The following HECTD2 variants were observed in gnomAD, a reference collection of about 807,000 sequenced individuals.
HECTD2 encodes probable E3 ubiquitin-protein ligase HECTD2.
A neutral mutation model predicts 103.2 loss-of-function variants in HECTD2; 35 were observed. The ratio of observed to expected loss-of-function variants is 0.34; its 90% CI spans 0.26 to 0.45. The LOEUF (loss-of-function observed/expected upper bound fraction) is 0.45. Among genes scored for constraint, HECTD2 ranks in the 20% least tolerant of loss-of-function variants. HECTD2 has a pLI of 1.00. For synonymous variants in HECTD2, 281 were observed against 329.9 expected (o/e 0.85, Z 1.61); for missense variants, 596 against 937.4 (o/e 0.64, Z 4.76).
intron 14 of HECTD2, among the ~76,000 whole-genome samples, chr10:91,493,717 A>G (rs1442081378): frequency 6.6e-6 from 1 of 151,994 alleles, no homozygotes; most frequent in Non-Finnish European, 1.5e-5. Flanking sequence ...TTTTTTTCTG[A>G]AAACCTTATC....
intron 2 of HECTD2, among the ~76,000 whole-genome samples, chr10:91,451,262 A>G (rs2133155770): frequency 1.3e-5 from 2 of 152,284 alleles, no homozygotes; most frequent in Admixed American, 1.3e-4. Context: ...TCAGCAAACT[A>G]TCACAGGAAC....
intron 2 of HECTD2, among the ~76,000 whole-genome samples, chr10:91,427,057 G>A (rs927050617): frequency 1.5e-5 from 2 of 131,576 alleles, no homozygotes. Context: ...GTGTCCATGT[G>A]TTCTCATTGT....
At chr10:91,424,450 G>A (rs1468488834) in intron 1 of HECTD2, among the ~76,000 whole-genome samples, 2 of 134,440 alleles carry the variant, frequency 1.5e-5, no homozygotes, top group Non-Finnish European at 3.0e-5. Context: ...AAAAGTGGAT[G>A]TTAAAAGAAG....
At chr10:91,488,611 T>C (rs919859558) in intron 11 of HECTD2, 4 of 152,174 alleles carry the variant, frequency 2.6e-5, no homozygotes, top group Non-Finnish European at 5.9e-5. Context: ...GATTTCCATC[T>C]TGTTCAAGAG....
chr10:91,493,211 A>G (rs1187374589), intron 13 of HECTD2, among the ~76,000 whole-genome samples: 1 of 151,300 alleles, frequency 6.6e-6, no homozygotes, highest in Non-Finnish European at 1.5e-5. Context: ...TTCTCCATAT[A>G]TATTTAATAT....
chr10:91,502,257 T>C (rs530013983), intron 20 of HECTD2, among the ~76,000 whole-genome samples: 1 of 152,304 alleles, frequency 6.6e-6, no homozygotes, highest in Admixed American at 6.5e-5. Context: ...GTCAACAGGC[T>C]GTTTGCTGGT....
chr10:91,415,633 G>T (rs927283383), intron 1 of HECTD2, among the ~76,000 whole-genome samples: 1 of 152,154 alleles, frequency 6.6e-6, no homozygotes, highest in East Asian at 1.9e-4. Context: ...AGATGTTTCC[G>T]ACTCATGTTC....
At chr10:91,500,949 A>T (rs1564736845) in intron 19 of HECTD2, among the ~76,000 whole-genome samples, 2 of 152,170 alleles carry the variant, frequency 1.3e-5, no homozygotes, top group Non-Finnish European at 2.9e-5. Context: ...AAAGTTATGC[A>T]GGAGAAAAAT....
At chr10:91,417,936 A>G (rs534510064) in intron 1 of HECTD2, among the ~76,000 whole-genome samples, 5 of 151,994 alleles carry the variant, frequency 3.3e-5, no homozygotes, top group Non-Finnish European at 7.4e-5. Context: ...CTGAGGAATC[A>G]CCACACTGAC....
At chr10:91,485,492 A>C (rs895262442) in intron 10 of HECTD2, 189 bp downstream of exon 10, 3 of 467,350 alleles carry the variant, frequency 6.4e-6, no homozygotes, top group Non-Finnish European at 1.1e-5. Flanking sequence ...ATTTATGTAC[A>C]TGTTAATTTG....
chr10:91,410,635 G>T, intron 1 of HECTD2, 59 bp downstream of exon 1: 1 of 1,313,212 alleles, frequency 7.6e-7, no homozygotes, highest in South Asian at 2.0e-5. Flanking sequence ...GAGGGACGGC[G>T]GCCGGGCGAG....
chr10:91,468,779 T>G (rs938138622), intron 5 of HECTD2, among the ~76,000 whole-genome samples: 1 of 151,970 alleles, frequency 6.6e-6, no homozygotes, highest in East Asian at 1.9e-4. Context: ...AAAAAAAATT[T>G]TTTTAAGTTA....
intron 10 of HECTD2, chr10:91,486,352 A>C (rs1293108800): frequency 6.6e-6 from 1 of 152,184 alleles, no homozygotes; most frequent in African/African-American, 2.4e-5. Flanking sequence ...TTCCATTTTA[A>C]TATAATTGTA....
intron 2 of HECTD2, among the ~76,000 whole-genome samples, chr10:91,444,663 C>T (rs1844518248): frequency 6.6e-6 from 1 of 152,088 alleles, no homozygotes; most frequent in Admixed American, 6.5e-5. Flanking sequence ...AGGCTTTCTG[C>T]CTGTTCTCAC....
At chr10:91,491,370 A>T in intron 12 of HECTD2, 63 bp downstream of exon 12, 3 of 773,982 alleles carry the variant, frequency 3.9e-6, no homozygotes, top group Non-Finnish European at 6.2e-6. Context: ...ATTATTATAA[A>T]AATCATAGTA....
intron 2 of HECTD2, among the ~76,000 whole-genome samples, chr10:91,437,324 A>G (rs1844160960): frequency 6.6e-6 from 1 of 151,948 alleles, no homozygotes; most frequent in African/African-American, 2.4e-5. Context: ...CTTAGATGAA[A>G]CACCTACATA....
At chr10:91,413,769 G>A (rs994686051) in intron 1 of HECTD2, among the ~76,000 whole-genome samples, 8 of 152,168 alleles carry the variant, frequency 5.3e-5, no homozygotes, top group Non-Finnish European at 8.8e-5. Context: ...AGGCGTGGTG[G>A]GGAATTGAAA....
intron 2 of HECTD2, among the ~76,000 whole-genome samples, chr10:91,453,394 A>G (rs1045051194): frequency 6.6e-6 from 1 of 152,154 alleles, no homozygotes; most frequent in African/African-American, 2.4e-5. Flanking sequence ...TCACACCACC[A>G]CACCCCATCC....
At chr10:91,462,855 T>G in intron 5 of HECTD2, 1 of 706,970 alleles carries the variant, frequency 1.4e-6, no homozygotes, top group South Asian at 6.4e-5. Flanking sequence ...ATAAGCATAC[T>G]GTATCCTTTT....
Sources: allele counts gnomAD v4.1 joint callset (sites outside exome capture counted in the v4.1 genomes callset), GRCh38; gene constraint gnomAD v4.1.1; transcripts MANE v1.5; gene names NCBI Gene and HGNC (gene_info 2026-07-23, HGNC 2026-07-21).